CSDE1: variants seen among roughly 807,000 people sequenced by gnomAD.
CSDE1 encodes cold shock domain-containing protein E1.
CSDE1 carries 17 observed loss-of-function variants against 89.3 expected under a neutral mutation model. That is an observed-to-expected ratio of 0.19 (90% confidence interval 0.13 to 0.29). The LOEUF (loss-of-function observed/expected upper bound fraction) is 0.29. Among genes scored for constraint, CSDE1 ranks in the 10% least tolerant of loss-of-function variants. The pLI, the probability that CSDE1 is intolerant of heterozygous loss-of-function variation, is 1.00. For synonymous variants in CSDE1, 322 were observed against 332.8 expected, an observed-to-expected ratio of 0.97 and a Z score of 0.35; for missense variants, 672 against 984.2, an observed-to-expected ratio of 0.68 and a Z score of 4.24.
chr1:114,718,216 C>T lies in CSDE1; in HGVS notation c.2350G>A (p.Gly784Arg). ...RQPRGPDNSM[G>R]FGAERKIRQA... ...CGGATCTTTCTTTCTGCACCAAACC[C>T]CTGTGGGGGGGAGAAAAAAAAAACC... Residue 784 changes from glycine to arginine, a missense_variant and splice_region_variant, in exon 20 of 20, where the codon GGG (glycine) becomes AGG (arginine). Physicochemically the swap from Gly to Arg is moderately radical, Grantham distance 125. Coordinates refer to ENST00000358528, the MANE Select transcript of CSDE1 (RefSeq NM_001007553.3). 1 of 1,613,288 alleles carries T rather than the reference C, an allele frequency of 6.2e-7. No individual in the cohort carries two copies. Among genetic ancestry groups the T allele is most frequent in the Non-Finnish European group, 8.5e-7 (1 of 1,179,724 alleles).
At chr1:114,727,631 C>T (rs1405267500) in intron 12 of CSDE1, 1 of 152,062 alleles carries the variant, frequency 6.6e-6, no homozygotes, top group African/African-American at 2.4e-5. Context: ...ACTAGTATTT[C>T]AACAATTTTT....
intron 14 of CSDE1, 118 bp downstream of exon 14, chr1:114,726,093 T>C (rs1010770093): frequency 9.7e-7 from 1 of 1,033,522 alleles, no homozygotes. Context: ...GCCATAATTC[T>C]ACCAATATGA....
intron 5 of CSDE1, among the ~76,000 whole-genome samples, chr1:114,737,132 A>C (rs916790438): frequency 3.3e-5 from 5 of 152,110 alleles, no homozygotes; most frequent in African/African-American, 1.2e-4. Context: ...TCAAAAAAAC[A>C]ATTTTATATA....
rs1659296513 is a variant in CSDE1, at chr1:114,718,193, G to A, written c.2373C>T (p.Ile791=). The change falls in exon 20 of 20, where the codon ATC becomes ATT. Residue 791 remains isoleucine, a synonymous_variant. Transcript: ENST00000358528. ...GTTAGTCAATGACACCAGCTTGACG[G>A]ATCTTTCTTTCTGCACCAAACCCCT... is the stretch of plus-strand genomic sequence containing the variant. The part of the protein sequence containing the change: ...NSMGFGAERK[I]RQAGVID 1 of 1,613,872 alleles carries A rather than the reference G, an allele frequency of 6.2e-7. No individual in the cohort carries two copies. Among genetic ancestry groups the A allele is most frequent in the Non-Finnish European group, 8.5e-7 (1 of 1,179,970 alleles).
rs540154220 is a variant in CSDE1 at position 114,749,626 on chromosome 1, G to T, written c.-1+195C>A. Among the ~76,000 whole-genome samples the T allele has an allele frequency of 5.3e-5, 8 of 152,258 alleles. 1 individual carries two copies. In the East Asian group the frequency reaches 1.5e-3, roughly 29 times the overall value. On this transcript the variant is annotated intron_variant, in intron 2 of 19. Coordinates refer to ENST00000358528, the MANE Select transcript of CSDE1 (RefSeq NM_001007553.3). ...GATCAGCATGTATTAATATAATCTG[G>T]TATGAAAAATGTTTGACCATAAATA... is the stretch of plus-strand genomic sequence containing the variant.
At chr1:114,726,893 A>T in intron 13 of CSDE1, 90 bp downstream of exon 13, 1 of 784,430 alleles carries the variant, frequency 1.3e-6, no homozygotes, top group Admixed American at 2.6e-5. Flanking sequence ...TTTCAGCAAA[A>T]CTTGATAAAA....
chr1:114,739,362 T>C (rs1165342345), intron 3 of CSDE1, among the ~76,000 whole-genome samples: 2 of 152,218 alleles, frequency 1.3e-5, no homozygotes, highest in East Asian at 3.9e-4. Context: ...GATTACTTTT[T>C]TCAGGTACTA....
chr1:114,756,265 T>C (rs1661590705), intron 1 of CSDE1, among the ~76,000 whole-genome samples: 1 of 152,208 alleles, frequency 6.6e-6, no homozygotes, highest in Non-Finnish European at 1.5e-5. Context: ...ATGGTAAACA[T>C]CCAGAACAGC....
intron 3 of CSDE1, 79 bp from the exon 4 acceptor site, chr1:114,738,151 A>G (rs1310330839): frequency 9.1e-7 from 1 of 1,102,644 alleles, no homozygotes; most frequent in South Asian, 1.3e-5. Flanking sequence ...TACTTAACAT[A>G]GCATTTGAAT....
chr1:114,724,459 A>C (rs914963247), intron 15 of CSDE1, among the ~76,000 whole-genome samples: 3 of 152,186 alleles, frequency 2.0e-5, no homozygotes, highest in Non-Finnish European at 4.4e-5. Context: ...TTCCACCAAA[A>C]AATAAGGTCA....
At chr1:114,743,566 A>G (rs533715453) in intron 2 of CSDE1, among the ~76,000 whole-genome samples, 1 of 152,354 alleles carries the variant, frequency 6.6e-6, no homozygotes, top group African/African-American at 2.4e-5. Flanking sequence ...TCTGAAATAT[A>G]TATGCCTTAA....
chr1:114,732,195 C>T (rs1197840414), intron 10 of CSDE1, among the ~76,000 whole-genome samples: 1 of 151,962 alleles, frequency 6.6e-6, no homozygotes, highest in African/African-American at 2.4e-5. Flanking sequence ...CATGGGTGTT[C>T]AATCTTTTGG....
chr1:114,757,342 A>T (rs1661658670), intron 1 of CSDE1, among the ~76,000 whole-genome samples: 1 of 151,360 alleles, frequency 6.6e-6, no homozygotes, highest in South Asian at 2.1e-4. Context: ...GTCTATACAC[A>T]AAGAAGGCGC....
chr1:114,742,366 G>A (rs1660775411), intron 2 of CSDE1, among the ~76,000 whole-genome samples: 1 of 152,222 alleles, frequency 6.6e-6, no homozygotes, highest in South Asian at 2.1e-4. Flanking sequence ...GGGTGGACAT[G>A]AGGTCAGGAG....
intron 6 of CSDE1, 113 bp downstream of exon 6, chr1:114,736,645 T>C: frequency 1.6e-6 from 1 of 636,156 alleles, no homozygotes; most frequent in Non-Finnish European, 2.8e-6. Context: ...AATTGAAAGT[T>C]CATGAAAACT....
intron 12 of CSDE1, among the ~76,000 whole-genome samples, chr1:114,729,389 G>A (rs766275480): frequency 1.3e-5 from 2 of 151,450 alleles, no homozygotes; most frequent in Non-Finnish European, 2.9e-5. Context: ...GTGAGCCACC[G>A]CACCTGACAA....
Position 114,728,580 on chromosome 1 carries a change from T to C in CSDE1, c.1357-1490A>G, listed in dbSNP as rs562429454. ...GGGAAAGTCTCACACAAAGGCTCTC[T>C]TCATCAAGCCAGTTTTGCCAGACAC... On this transcript the variant is annotated intron_variant, in intron 12 of 19. Coordinates refer to ENST00000358528, the MANE Select transcript of CSDE1 (RefSeq NM_001007553.3). 5.3e-5 allele frequency among the ~76,000 whole-genome samples: 8 copies of C among 152,288 alleles called. No individual in the cohort carries two copies. In the South Asian group the frequency reaches 1.7e-3, roughly 32 times the overall value.
intron 1 of CSDE1, among the ~76,000 whole-genome samples, chr1:114,751,188 T>C (rs1379280486): frequency 2.0e-5 from 3 of 152,216 alleles, no homozygotes. Context: ...AGTAAATAGA[T>C]GAGAAATGTC....
intron 14 of CSDE1, among the ~76,000 whole-genome samples, 183 bp from the exon 15 acceptor site, chr1:114,725,516 A>G (rs1052238414): frequency 6.6e-6 from 1 of 152,240 alleles, no homozygotes; most frequent in African/African-American, 2.4e-5. Flanking sequence ...AGGTAACATT[A>G]TCCCTAACTT....
Sources: allele counts gnomAD v4.1 joint callset (sites outside exome capture counted in the v4.1 genomes callset), GRCh38; gene constraint gnomAD v4.1.1; transcripts MANE v1.5; gene names NCBI Gene and HGNC (gene_info 2026-07-23, HGNC 2026-07-21).